GRM7: variants seen among roughly 807,000 people sequenced by gnomAD.
GRM7 encodes glutamate metabotropic receptor 7.
Under a neutral mutation model 84.5 loss-of-function variants are expected in GRM7, and 35 were observed. That is an observed-to-expected ratio of 0.41 (90% CI 0.32 to 0.55). The LOEUF (loss-of-function observed/expected upper bound fraction) is 0.55, where lower values mean the gene tolerates loss of function less well. Ranked by LOEUF, GRM7 falls within the 20% of genes least tolerant of loss-of-function variation. The pLI, the probability that GRM7 is intolerant of heterozygous loss-of-function variation, is 0.19. For missense variants in GRM7, 1,003 were observed against 1,194.6 expected (o/e 0.84, Z 2.36); for synonymous variants, 487 against 455.1 (o/e 1.07, Z -0.89).
At chr3:7,619,919 A>G (rs1054707219) in intron 8 of GRM7, among the ~76,000 whole-genome samples, 2 of 152,162 alleles carry the variant, frequency 1.3e-5, no homozygotes, top group African/African-American at 4.8e-5. Flanking sequence ...ATACTTCTGC[A>G]GTCCAATGAC....
At chr3:7,610,789 G>A (rs1386283983) in intron 8 of GRM7, among the ~76,000 whole-genome samples, 1 of 152,144 alleles carries the variant, frequency 6.6e-6, no homozygotes, top group African/African-American at 2.4e-5. Context: ...AAAGATGTTT[G>A]TTTTTAGTTT....
chr3:6,988,713 A>T (rs1203912477), intron 1 of GRM7, among the ~76,000 whole-genome samples: 3 of 152,220 alleles, frequency 2.0e-5, no homozygotes, highest in Non-Finnish European at 4.4e-5. Context: ...TCATTTGCAA[A>T]TATTCAGAAG....
chr3:7,282,028 A>G (rs1699268582), intron 2 of GRM7, among the ~76,000 whole-genome samples: 1 of 152,188 alleles, frequency 6.6e-6, no homozygotes, highest in South Asian at 2.1e-4. Context: ...GGTTGCAGTG[A>G]GCAGAGATTG....
intron 2 of GRM7, among the ~76,000 whole-genome samples, chr3:7,236,394 A>G (rs183595349): frequency 3.9e-5 from 6 of 152,276 alleles, no homozygotes; most frequent in African/African-American, 1.4e-4. Context: ...TAGAAAAGGG[A>G]AGTAGTAGAT....
At chr3:6,904,070 A>G (rs1007741517) in intron 1 of GRM7, among the ~76,000 whole-genome samples, 63 of 152,006 alleles carry the variant, frequency 4.1e-4, no homozygotes, top group Admixed American at 2.9e-3. Context: ...CTTCTTTTTA[A>G]ATCTGACTTT....
chr3:7,176,690 C>T (rs968918082), intron 2 of GRM7, among the ~76,000 whole-genome samples: 1 of 152,204 alleles, frequency 6.6e-6, no homozygotes, highest in Non-Finnish European at 1.5e-5. Context: ...TCATTCATGT[C>T]TCTTCCTTGT....
intron 9 of GRM7, among the ~76,000 whole-genome samples, chr3:7,684,826 C>T (rs1402668235): frequency 3.3e-5 from 5 of 152,070 alleles, no homozygotes; most frequent in African/African-American, 4.8e-5. Flanking sequence ...AAATAGCAAG[C>T]TCAGAGGGCA....
At chr3:6,915,343 G>A (rs1237749363) in intron 1 of GRM7, among the ~76,000 whole-genome samples, 1 of 152,078 alleles carries the variant, frequency 6.6e-6, no homozygotes, top group Admixed American at 6.5e-5. Context: ...GCTCTGCTAT[G>A]TTTTTGTTTT....
rs1697774853 is a variant in GRM7 at position 6,938,582 on chromosome 3, C to T, written c.519+76675C>T. Among the ~76,000 whole-genome samples, 3 of 152,164 alleles carry T rather than the reference C, an allele frequency of 2.0e-5. No homozygotes were observed. The South Asian group carries it at 6.2e-4, about 32-fold the overall frequency. On this transcript the variant is annotated intron_variant, in intron 1 of 9. Coordinates refer to ENST00000357716, the MANE Select transcript of GRM7 (RefSeq NM_000844.4). ...AAATAATAAGACAGCTTAAGAGAGA[C>T]AGGCATTGACACCATTGACAAAATC...
chr3:7,535,348 A>G (rs1202397284), intron 7 of GRM7: 1 of 152,258 alleles, frequency 6.6e-6, no homozygotes, highest in African/African-American at 2.4e-5. Flanking sequence ...AGATAGGGGA[A>G]ATAATGAACA....
chr3:7,393,063 A>G (rs1453361623), intron 4 of GRM7, among the ~76,000 whole-genome samples: 2 of 152,164 alleles, frequency 1.3e-5, no homozygotes, highest in East Asian at 3.9e-4. Flanking sequence ...TCAGGCAAGT[A>G]GAGTGAGCAC....
At chr3:7,492,503 T>A (rs1488090915) in intron 7 of GRM7, among the ~76,000 whole-genome samples, 1 of 152,124 alleles carries the variant, frequency 6.6e-6, no homozygotes, top group East Asian at 1.9e-4. Context: ...AAGCTGTTGG[T>A]TGGTTGTTGT....
intron 2 of GRM7, among the ~76,000 whole-genome samples, chr3:7,190,854 G>C (rs1282247549): frequency 1.3e-5 from 2 of 152,054 alleles, no homozygotes; most frequent in East Asian, 3.9e-4. Context: ...GACAAGGCAG[G>C]CATCAGATAA....
chr3:7,128,788 G>A (rs143370938), intron 1 of GRM7, among the ~76,000 whole-genome samples: 101 of 151,992 alleles, frequency 6.6e-4, no homozygotes, highest in Admixed American at 1.3e-3. Flanking sequence ...GATTGCAGGC[G>A]TAAGCCACCA....
chr3:7,364,986 G>A (rs995606972), intron 4 of GRM7, among the ~76,000 whole-genome samples: 1 of 151,674 alleles, frequency 6.6e-6, no homozygotes, highest in Non-Finnish European at 1.5e-5. Context: ...GGATACATAG[G>A]TGGCAACTTT....
intron 8 of GRM7, among the ~76,000 whole-genome samples, chr3:7,670,674 C>G (rs1458215248): frequency 0.028 from 6 of 214 alleles, no homozygotes; most frequent in Non-Finnish European, 0.051. Flanking sequence ...CAGCATTGTA[C>G]TATACAATGG....
chr3:7,371,914 G>A (rs753076326), intron 4 of GRM7, among the ~76,000 whole-genome samples: 12 of 152,138 alleles, frequency 7.9e-5, no homozygotes, highest in East Asian at 1.9e-4. Flanking sequence ...CCAGTGTTCC[G>A]GAACAGGGGA....
intron 1 of GRM7, among the ~76,000 whole-genome samples, chr3:7,055,522 T>TACACACAC (rs542258185): frequency 6.7e-6 from 1 of 149,220 alleles, no homozygotes; most frequent in Non-Finnish European, 1.5e-5. Flanking sequence ...TATATATATA[T>TACACACAC]ACATACACAC....
chr3:7,156,216 C>A (rs1005330322), intron 2 of GRM7, among the ~76,000 whole-genome samples: 1 of 152,112 alleles, frequency 6.6e-6, no homozygotes, highest in African/African-American at 2.4e-5. Context: ...TCACAGGATG[C>A]TAAGTATGGG....
Sources: gnomAD v4.1 joint callset for allele counts (sites outside exome capture counted in the v4.1 genomes callset) on GRCh38, gnomAD v4.1.1 for gene constraint, MANE v1.5 for transcripts, NCBI Gene and HGNC (gene_info 2026-07-23, HGNC 2026-07-21) for gene names.